The following SESN1 variants were observed in gnomAD, a reference collection of about 807,000 sequenced individuals.
The protein encoded by SESN1 is sestrin-1.
A neutral mutation model predicts 59.3 loss-of-function variants in SESN1; 30 were observed. The observed-to-expected ratio is 0.51, with a 90% CI of 0.38 to 0.69. SESN1 has a LOEUF of 0.69. SESN1 is among the 30% of genes least tolerant of loss of function. The pLI, the probability that SESN1 is intolerant of heterozygous loss-of-function variation, is 0.00. For missense variants in SESN1, 566 were observed against 673.0 expected, an observed-to-expected ratio of 0.84 and a Z score of 1.76; for synonymous variants, 197 against 219.9, an observed-to-expected ratio of 0.90 and a Z score of 0.92.
chr6:109,041,098 T>G (rs1780333801), intron 1 of SESN1, among the ~76,000 whole-genome samples: 1 of 151,074 alleles, frequency 6.6e-6, no homozygotes, highest in African/African-American at 2.4e-5. Flanking sequence ...CCCAGGAGTT[T>G]GAGATCAGCC....
intron 8 of SESN1, among the ~76,000 whole-genome samples, chr6:108,989,613 CTCTA>C (rs971256458): frequency 7.0e-6 from 1 of 141,946 alleles, no homozygotes; most frequent in African/African-American, 2.7e-5. Context: ...ATAGATATCT[CTCTA>C]TATAGAGAAA....
intron 1 of SESN1, among the ~76,000 whole-genome samples, chr6:109,084,262 T>G (rs1169028479): frequency 1.3e-5 from 2 of 152,168 alleles, no homozygotes; most frequent in African/African-American, 4.8e-5. Flanking sequence ...TAGTATTGTT[T>G]AAAAGCTTAG....
At chr6:108,997,640 A>G (rs12204576) in intron 5 of SESN1, among the ~76,000 whole-genome samples, 16,964 of 152,238 alleles carry the variant, frequency 0.11, 1,046 homozygotes, top group Middle Eastern at 0.19. Context: ...ATTTAGATAC[A>G]AAAGAACTGA....
intron 7 of SESN1, among the ~76,000 whole-genome samples, chr6:108,991,228 A>AGTGTGTGTGT (rs112709389): frequency 3.4e-5 from 5 of 148,048 alleles, no homozygotes; most frequent in African/African-American, 1.2e-4. Flanking sequence ...TCAAATTATG[A>AGTGTGTGTGT]GTGTGTGTGT....
intron 1 of SESN1, among the ~76,000 whole-genome samples, chr6:109,047,892 G>A (rs1163566619): frequency 6.8e-6 from 1 of 146,754 alleles, no homozygotes; most frequent in Admixed American, 6.7e-5. Flanking sequence ...GATGCTTGAA[G>A]GCAGCATGCT....
intron 1 of SESN1, chr6:109,009,209 G>C (rs1184892086): frequency 6.1e-6 from 5 of 823,418 alleles, no homozygotes; most frequent in South Asian, 7.2e-5. Flanking sequence ...GCTGCTCCCC[G>C]GGAGCCCGCC....
At chr6:108,996,021 T>G (rs1308926358) in intron 5 of SESN1, among the ~76,000 whole-genome samples, 1 of 152,160 alleles carries the variant, frequency 6.6e-6, no homozygotes, top group Non-Finnish European at 1.5e-5. Flanking sequence ...AGAGGACCAA[T>G]CATAATTTAT....
At position 108,986,523 on chromosome 6, in the gene SESN1, G is replaced by GTACT. The variant is rs1296329741; in HGVS notation, c.*1017_*1020dup. The GTACT allele has an allele frequency of 2.6e-5, 4 of 152,754 alleles. No homozygotes were observed. Among genetic ancestry groups the GTACT allele is most frequent in the African/African-American group, 9.6e-5 (4 of 41,572 alleles). 9.5% of individuals were successfully genotyped at this position (152,754 alleles called of 1,614,324 possible). On this transcript the variant is annotated 3_prime_UTR_variant, in exon 10 of 10. Transcript: ENST00000436639. ...GCAATTCACGCTTCCAGAATACAAA[G>GTACT]TACTTAATACATATTTTCAAACCTG...
At chr6:109,047,409 C>T (rs1393989157) in intron 1 of SESN1, among the ~76,000 whole-genome samples, 4 of 136,024 alleles carry the variant, frequency 2.9e-5, no homozygotes, top group Admixed American at 1.4e-4. Context: ...TCTGCCCGGC[C>T]GCCCCTACTG....
At position 108,999,692 on chromosome 6, in the gene SESN1, T is replaced by C. The variant is rs140813462; in HGVS notation, c.729+799A>G. 8.7e-3 allele frequency among the ~76,000 whole-genome samples: 1,329 copies of C among 152,270 alleles called. 24 individuals carry two copies. The highest frequency in any genetic ancestry group is 0.03 in the African/African-American group (1,262 of 41,560). On this transcript the variant is annotated intron_variant, in intron 4 of 9. Transcript: ENST00000436639. ...TGCTGGTGGGAATGCAAACTGATAC[T>C]GCCCTTTGGAAGAGTTTTACAGTTT...
chr6:109,035,182 T>C (rs1780232159), intron 1 of SESN1, among the ~76,000 whole-genome samples: 1 of 152,082 alleles, frequency 6.6e-6, no homozygotes, highest in Non-Finnish European at 1.5e-5. Context: ...CATTTTGCTT[T>C]TCATCCTAGA....
chr6:109,062,015 G>A (rs1780741306), intron 1 of SESN1, among the ~76,000 whole-genome samples: 1 of 152,114 alleles, frequency 6.6e-6, no homozygotes, highest in Admixed American at 6.5e-5. Context: ...GATCAAGTTA[G>A]GGAAGCCCTA....
At chr6:109,081,894 A>T (rs756271235) in intron 1 of SESN1, among the ~76,000 whole-genome samples, 27 of 152,222 alleles carry the variant, frequency 1.8e-4, no homozygotes, top group Non-Finnish European at 3.5e-4. Flanking sequence ...GCACAGTAGA[A>T]ACACTGATAG....
Position 108,985,604 on chromosome 6 carries a change from A to AATT in SESN1, c.*1937_*1939dup, listed in dbSNP as rs1779161895. On this transcript the variant is annotated 3_prime_UTR_variant, in exon 10 of 10. Coordinates refer to ENST00000436639, the MANE Select transcript of SESN1 (RefSeq NM_014454.3). Reference sequence around the variant, plus strand: ...TTTAACTCATTAAAATTTTGATTTCAATTTCTAAGTGATTATAAGTTCCAG... The same window carrying AATT: ...TTTAACTCATTAAAATTTTGATTTCAATTATTTCTAAGTGATTATAAGTTCCAG... Among the ~76,000 whole-genome samples the AATT allele has an allele frequency of 6.6e-6, 1 of 152,230 alleles. No homozygotes were observed. Among genetic ancestry groups the AATT allele is most frequent in the African/African-American group, 2.4e-5 (1 of 41,464 alleles).
At chr6:109,043,627 T>G (rs567490503) in intron 1 of SESN1, among the ~76,000 whole-genome samples, 1 of 151,874 alleles carries the variant, frequency 6.6e-6, no homozygotes, top group Non-Finnish European at 1.5e-5. Flanking sequence ...AAAAAGAAAA[T>G]AGGCATAAAT....
At chr6:109,048,964 C>T (rs2114436600) in intron 1 of SESN1, among the ~76,000 whole-genome samples, 1 of 152,296 alleles carries the variant, frequency 6.6e-6, no homozygotes, top group East Asian at 1.9e-4. Flanking sequence ...CACTAAACAG[C>T]AAGTCTCTCT....
At chr6:109,038,990 G>C (rs988970097) in intron 1 of SESN1, among the ~76,000 whole-genome samples, 6 of 149,884 alleles carry the variant, frequency 4.0e-5, no homozygotes, top group African/African-American at 1.5e-4. Flanking sequence ...AGAAGAAGGA[G>C]GAGGAGGAGA....
chr6:109,038,889 G>C (rs1051489825), intron 1 of SESN1, among the ~76,000 whole-genome samples: 2 of 148,358 alleles, frequency 1.3e-5, no homozygotes, highest in African/African-American at 5.0e-5. Context: ...AAGAGGAAAA[G>C]AAGAAGGAAG....
At position 108,987,714 on chromosome 6, in the gene SESN1, A is replaced by C. The variant is rs1779237262; in HGVS notation, c.1570-84T>G. 4 of 732,800 alleles carry C rather than the reference A, an allele frequency of 5.5e-6. No individual in the cohort carries two copies. In the South Asian group the frequency reaches 6.3e-5, roughly 12 times the overall value. 45.4% of individuals were successfully genotyped at this position (732,800 alleles called of 1,614,324 possible). On this transcript the variant is annotated intron_variant, in intron 9 of 9. Coordinates refer to ENST00000436639, the MANE Select transcript of SESN1 (RefSeq NM_014454.3). Reference sequence around the variant, plus strand: ...TCAGTGAATCTAATGAACACATAAAATAAGTACACTTCCTACACTTCCTAT... The same window carrying C: ...TCAGTGAATCTAATGAACACATAAACTAAGTACACTTCCTACACTTCCTAT...
Sources: gnomAD v4.1 joint callset for allele counts (sites outside exome capture counted in the v4.1 genomes callset) on GRCh38, gnomAD v4.1.1 for gene constraint, MANE v1.5 for transcripts, NCBI Gene and HGNC (gene_info 2026-07-23, HGNC 2026-07-21) for gene names.